ZNF564: variants seen among roughly 807,000 people sequenced by gnomAD.
The protein encoded by ZNF564 is zinc finger protein 564.
Under a neutral mutation model 10.5 loss-of-function variants are expected in ZNF564, and 5 were observed. That is an observed-to-expected ratio of 0.48 (90% CI 0.25 to 1.00). The LOEUF is 1.00. Among genes scored for constraint, ZNF564 ranks in the 50% least tolerant of loss-of-function variants. The pLI, the probability that ZNF564 is intolerant of heterozygous loss-of-function variation, is 0.16. For synonymous variants in ZNF564, 242 were observed against 218.1 expected, an observed-to-expected ratio of 1.11 and a Z score of -0.97; for missense variants, 603 against 669.7, an observed-to-expected ratio of 0.90 and a Z score of 1.10.
At chr19:12,533,775 C>A in intron 1 of ZNF564, among the ~76,000 whole-genome samples, 2 of 125,772 alleles carry the variant, frequency 1.6e-5, no homozygotes, top group Non-Finnish European at 1.7e-5. Context: ...GAGTCTACTT[C>A]AGGAAAACAG....
intron 1 of ZNF564, among the ~76,000 whole-genome samples, chr19:12,540,572 C>T (rs999310853): frequency 2.0e-5 from 3 of 151,936 alleles, no homozygotes; most frequent in South Asian, 2.1e-4. Flanking sequence ...ATACAAAAAC[C>T]GGCTGGGTGT....
Position 12,535,391 on chromosome 19 carries a change from GTA to G in ZNF564, c.4-6697_4-6696del, listed in dbSNP as rs560116701. Among the ~76,000 whole-genome samples, 55 of 151,974 alleles carry G rather than the reference GTA, an allele frequency of 3.6e-4. No homozygotes were observed. In the South Asian group the frequency reaches 0.011, roughly 30 times the overall value. The stretch of plus-strand genomic sequence containing the variant: ...CCGTCTCAAAAAGAAAAAAAGAAAA[GTA>G]TGTTACTAAGTGATAGAATCCAATC... On this transcript the variant is annotated intron_variant, in intron 1 of 3. Transcript: ENST00000339282.
intron 1 of ZNF564, among the ~76,000 whole-genome samples, chr19:12,544,195 T>C (rs907076629): frequency 6.6e-6 from 1 of 152,132 alleles, no homozygotes; most frequent in South Asian, 2.1e-4. Context: ...ACTATGGCAG[T>C]AGCAGAAAGA....
intron 1 of ZNF564, among the ~76,000 whole-genome samples, chr19:12,539,956 G>C (rs550280794): frequency 1.3e-5 from 2 of 151,634 alleles, no homozygotes; most frequent in East Asian, 3.9e-4. Context: ...ACTCCAGCCT[G>C]GGTAACAGAA....
At chr19:12,548,406 C>T (rs138490170) in intron 1 of ZNF564, among the ~76,000 whole-genome samples, 92 of 151,888 alleles carry the variant, frequency 6.1e-4, no homozygotes, top group South Asian at 5.6e-3. Flanking sequence ...TAGTAGAGAC[C>T]GGGTTTCACT....
At chr19:12,532,512 G>A (rs1450062969) in intron 1 of ZNF564, among the ~76,000 whole-genome samples, 3 of 131,880 alleles carry the variant, frequency 2.3e-5, no homozygotes, top group Admixed American at 1.7e-4. Context: ...TCCAGCCTGG[G>A]CGACAGAGCG....
intron 1 of ZNF564, among the ~76,000 whole-genome samples, chr19:12,541,801 G>C (rs1312264988): frequency 7.0e-6 from 1 of 142,644 alleles, no homozygotes; most frequent in East Asian, 2.2e-4. Context: ...GGATCACATG[G>C]TCAGGAGATC....
chr19:12,538,497 G>C (rs1335784080), intron 1 of ZNF564, among the ~76,000 whole-genome samples: 1 of 152,022 alleles, frequency 6.6e-6, no homozygotes, highest in Non-Finnish European at 1.5e-5. Context: ...ATGGTGGTGG[G>C]CACCTGTAAT....
intron 1 of ZNF564, among the ~76,000 whole-genome samples, chr19:12,529,280 C>T (rs1274079262): frequency 6.6e-6 from 1 of 152,008 alleles, no homozygotes; most frequent in African/African-American, 2.4e-5. Flanking sequence ...ATCCAGTTCA[C>T]CTTGGAGAAA....
In ZNF564 at chr19:12,526,472, G is replaced by T. The variant is rs1408780696; in HGVS notation, c.1636C>A (p.Pro546Thr). The change falls in exon 4 of 4, where the codon CCT becomes ACT. Residue 546 changes from proline to threonine, a missense_variant. Pro to Thr is a conservative substitution (Grantham distance 38). Transcript: ENST00000339282. ...NVGKLSFITQ[P>T]SNTCENE ...TATTCATTTTCACAGGTATTCGAAGGTTGTGTGATAAATGAAAGCTTTCCC... is the reference window on the plus strand; with the variant it reads ...TATTCATTTTCACAGGTATTCGAAGTTTGTGTGATAAATGAAAGCTTTCCC... The T allele has an allele frequency of 1.2e-6, 2 of 1,603,868 alleles. No homozygotes were observed. The highest frequency in any genetic ancestry group is 3.5e-5 in the Admixed American group (2 of 57,894).
In ZNF564 at chr19:12,541,998, A is replaced by G. The variant is rs528863073; in HGVS notation, c.3+9332T>C. Among the ~76,000 whole-genome samples the G allele has an allele frequency of 1.1e-3, 142 of 129,510 alleles. 1 individual carries two copies. Among genetic ancestry groups the G allele is most frequent in the African/African-American group, 3.9e-3 (134 of 34,406 alleles). 85.0% of individuals were successfully genotyped at this position (129,510 alleles called of 152,430 possible). A position where few individuals can be genotyped will look rare whatever the true frequency, so the allele number is the denominator to read the frequency against. On this transcript the variant is annotated intron_variant, in intron 1 of 3. Transcript: ENST00000339282. ...GCCACTGCACTCCAGCCTGGGTGAC[A>G]GAGCGAGACTCTGTCCAAAAAAAAA...
intron 1 of ZNF564, among the ~76,000 whole-genome samples, chr19:12,537,576 T>C (rs1464245503): frequency 1.3e-5 from 2 of 151,950 alleles, no homozygotes; most frequent in East Asian, 3.9e-4. Flanking sequence ...CTGTCTCTAC[T>C]AAAAATACAA....
intron 1 of ZNF564, among the ~76,000 whole-genome samples, chr19:12,547,371 C>T (rs1025647488): frequency 2.6e-5 from 4 of 152,118 alleles, no homozygotes; most frequent in African/African-American, 9.7e-5. Flanking sequence ...CCTTTTTCTG[C>T]CTAACCTCTG....
At chr19:12,538,541 C>T (rs951627046) in intron 1 of ZNF564, among the ~76,000 whole-genome samples, 3 of 152,040 alleles carry the variant, frequency 2.0e-5, no homozygotes, top group African/African-American at 7.2e-5. Flanking sequence ...CAGAGAATTG[C>T]TTGAACCCAG....
At chr19:12,550,501 C>A in intron 1 of ZNF564, 1 of 280,080 alleles carries the variant, frequency 3.6e-6, no homozygotes, top group South Asian at 2.5e-5. Context: ...ACCAAAAATA[C>A]AAAAAGTAGC....
rs1407414627 is a variant in ZNF564, at chr19:12,526,349, A to G, written c.*97T>C. 1.6e-6 allele frequency: 2 copies of G among 1,248,928 alleles called. No individual in the cohort carries two copies. Among genetic ancestry groups the G allele is most frequent in the East Asian group, 4.7e-5 (2 of 42,534 alleles). 77.4% of individuals were successfully genotyped at this position (1,248,928 alleles called of 1,614,324 possible). A position where few individuals can be genotyped will look rare whatever the true frequency, so the allele number is the denominator to read the frequency against. On this transcript the variant is annotated 3_prime_UTR_variant, in exon 4 of 4. Coordinates refer to ENST00000339282, the MANE Select transcript of ZNF564 (RefSeq NM_144976.4). ...CTATTCCAAAAGTGAGAAACAGGAG[A>G]AAGGGGTGAGCTCCCAAACAAGTCT...
chr19:12,541,989 C>A lies in ZNF564; in HGVS notation c.3+9341G>T, dbSNP rs146704942. On this transcript the variant is annotated intron_variant, in intron 1 of 3. Coordinates refer to ENST00000339282, the MANE Select transcript of ZNF564 (RefSeq NM_144976.4). Reference sequence around the variant, plus strand: ...CAAGATTGTGCCACTGCACTCCAGCCTGGGTGACAGAGCGAGACTCTGTCC... The same window carrying A: ...CAAGATTGTGCCACTGCACTCCAGCATGGGTGACAGAGCGAGACTCTGTCC... Among the ~76,000 whole-genome samples the A allele has an allele frequency of 1.0e-2, 1,241 of 124,618 alleles. 12 individuals carry two copies. Among genetic ancestry groups the A allele is most frequent in the Middle Eastern group, 0.042 (6 of 142 alleles). 81.8% of individuals were successfully genotyped at this position (124,618 alleles called of 152,430 possible). A position where few individuals can be genotyped will look rare whatever the true frequency, so the allele number is the denominator to read the frequency against.
At position 12,551,399 on chromosome 19, in the gene ZNF564, CGCCAGACGCTGCGGTGGAGCCACCGGG is replaced by C. The variant is rs1016459549; in HGVS notation, c.-94_-68del. The C allele has an allele frequency of 4.7e-6, 7 of 1,504,294 alleles. No homozygotes were observed. The African/African-American group carries it at 1.0e-4, about 21-fold the overall frequency. The allele number at this position is 1,504,294 out of a possible 1,614,324, so 93.2% of individuals were successfully genotyped here. A position where few individuals can be genotyped will look rare whatever the true frequency, so the allele number is the denominator to read the frequency against. ...TCTCCGGCCTGTGCAGGTCCCAGCG[CGCCAGACGCTGCGGTGGAGCCACCGGG>C]GCCACTGGAGAAGCGGAGACCGGAA... is the stretch of plus-strand genomic sequence containing the variant. On this transcript the variant is annotated 5_prime_UTR_variant, in exon 1 of 4. Transcript: ENST00000339282.
intron 1 of ZNF564, among the ~76,000 whole-genome samples, chr19:12,538,843 G>A (rs778451799): frequency 2.0e-5 from 3 of 151,910 alleles, no homozygotes; most frequent in Non-Finnish European, 4.4e-5. Context: ...TAATAATAAT[G>A]TTATTGGTTT....
Sources: gnomAD v4.1 joint callset for allele counts (sites outside exome capture counted in the v4.1 genomes callset) on GRCh38, gnomAD v4.1.1 for gene constraint, MANE v1.5 for transcripts, NCBI Gene and HGNC (gene_info 2026-07-23, HGNC 2026-07-21) for gene names.